Variants in EYS observed in about 807,000 individuals in gnomAD.
EYS encodes EGF-like photoreceptor maintenance factor.
EYS carries 250 observed loss-of-function variants against 282.1 expected under a neutral mutation model. The observed-to-expected ratio is 0.89, with a 90% CI of 0.80 to 0.98. The LOEUF is 0.98. Ranked by LOEUF, EYS falls within the 50% of genes least tolerant of loss-of-function variation. EYS has a pLI of 0.00. For synonymous variants in EYS, 1,355 were observed against 1,282.9 expected (o/e 1.06, Z -1.20); for missense variants, 4,016 against 3,709.0 (o/e 1.08, Z -2.15).
intron 15 of EYS, among the ~76,000 whole-genome samples, chr6:64,928,915 A>G (rs1768607243): frequency 6.6e-6 from 1 of 152,148 alleles, no homozygotes; most frequent in Non-Finnish European, 1.5e-5. Flanking sequence ...GATTTTATGT[A>G]TGGCTATGCT....
intron 29 of EYS, among the ~76,000 whole-genome samples, chr6:64,309,819 G>A (rs994968785): frequency 1.3e-5 from 2 of 151,906 alleles, no homozygotes; most frequent in Non-Finnish European, 2.9e-5. Context: ...ACAAAACTTA[G>A]CTGGGCATGG....
chr6:65,435,198 A>C (rs536697805), intron 5 of EYS, among the ~76,000 whole-genome samples: 2 of 152,096 alleles, frequency 1.3e-5, no homozygotes, highest in Non-Finnish European at 2.9e-5. Flanking sequence ...CATGTTTAAA[A>C]TGTTACCTAT....
intron 37 of EYS, among the ~76,000 whole-genome samples, chr6:63,799,728 A>G (rs1770737889): frequency 6.6e-6 from 1 of 152,252 alleles, no homozygotes; most frequent in African/African-American, 2.4e-5. Flanking sequence ...CAAAGCAGTG[A>G]TTGTAAATGA....
At chr6:65,378,089 A>G (rs997151458) in intron 8 of EYS, among the ~76,000 whole-genome samples, 30 of 152,178 alleles carry the variant, frequency 2.0e-4, no homozygotes, top group Admixed American at 1.4e-3. Flanking sequence ...CATCAGAGTG[A>G]ACAGGCAACC....
intron 13 of EYS, among the ~76,000 whole-genome samples, chr6:65,039,809 G>T (rs187273505): frequency 7.3e-4 from 111 of 151,652 alleles, no homozygotes; most frequent in African/African-American, 2.2e-3. Context: ...GGTGTATTTT[G>T]CATGTAAGTG....
chr6:65,097,115 C>A (rs571749523), intron 12 of EYS, among the ~76,000 whole-genome samples: 1 of 150,892 alleles, frequency 6.6e-6, no homozygotes, highest in African/African-American at 2.4e-5. Flanking sequence ...GGTTAATATA[C>A]AAAATATATA....
chr6:65,403,746 A>G (rs1010380954), intron 6 of EYS, among the ~76,000 whole-genome samples: 5 of 152,022 alleles, frequency 3.3e-5, no homozygotes, highest in African/African-American at 1.2e-4. Context: ...AAATAGAATT[A>G]AAGTACTTCT....
chr6:63,817,691 A>G (rs1771215753), intron 36 of EYS, among the ~76,000 whole-genome samples: 1 of 152,256 alleles, frequency 6.6e-6, no homozygotes, highest in Admixed American at 6.5e-5. Flanking sequence ...GGAACTGGTC[A>G]TAAGGCCACT....
Position 65,705,515 on chromosome 6 carries a change from T to C in EYS, c.-448+1620A>G, listed in dbSNP as rs573550641. ...TTTAACGCATTAACTCAATATTTGT[T>C]GAATGCCTCCAAATCAAGGCTTGGT... On this transcript the variant is annotated intron_variant, in intron 1 of 42. Transcript: ENST00000503581. Among the ~76,000 whole-genome samples the C allele has an allele frequency of 3.7e-4, 56 of 152,324 alleles. No homozygotes were observed. In the East Asian group the frequency reaches 5.8e-3, roughly 16 times the overall value.
At chr6:65,326,988 C>T (rs1473386836) in intron 11 of EYS, among the ~76,000 whole-genome samples, 4 of 151,602 alleles carry the variant, frequency 2.6e-5, no homozygotes, top group Non-Finnish European at 5.9e-5. Context: ...CTATAAACCA[C>T]AATAATTGTG....
At chr6:63,937,706 A>G (rs1054120681) in intron 35 of EYS, among the ~76,000 whole-genome samples, 5 of 152,014 alleles carry the variant, frequency 3.3e-5, no homozygotes, top group Admixed American at 3.3e-4. Flanking sequence ...TGAAAGGAAC[A>G]TAGTACAATT....
chr6:63,987,947 CT>C (rs1767442881), intron 34 of EYS, among the ~76,000 whole-genome samples: 1 of 151,522 alleles, frequency 6.6e-6, no homozygotes, highest in Admixed American at 6.6e-5. Flanking sequence ...CAAACTAACT[CT>C]GTATTTGAGA....
At chr6:65,129,863 T>C (rs1325200506) in intron 12 of EYS, among the ~76,000 whole-genome samples, 1 of 151,998 alleles carries the variant, frequency 6.6e-6, no homozygotes, top group Non-Finnish European at 1.5e-5. Context: ...CACCTGTATG[T>C]TCTTTGTAGT....
intron 19 of EYS, among the ~76,000 whole-genome samples, chr6:64,853,491 A>G (rs1037895329): frequency 5.3e-5 from 8 of 152,104 alleles, no homozygotes; most frequent in South Asian, 2.1e-4. Context: ...GCCTCAACCA[A>G]TTGAGATTAT....
chr6:64,744,615 A>C (rs1223291136), intron 22 of EYS, among the ~76,000 whole-genome samples: 1 of 152,204 alleles, frequency 6.6e-6, no homozygotes, highest in Non-Finnish European at 1.5e-5. Context: ...ATTTAGTAAA[A>C]CTTGAACTAA....
chr6:65,367,788 A>G (rs549804162), intron 8 of EYS, among the ~76,000 whole-genome samples: 1 of 151,894 alleles, frequency 6.6e-6, no homozygotes, highest in Non-Finnish European at 1.5e-5. Flanking sequence ...GCTAATATCA[A>G]TTATTATAGC....
chr6:64,592,717 C>T (rs12661181), intron 25 of EYS, among the ~76,000 whole-genome samples: 15,350 of 152,018 alleles, frequency 0.1, 927 homozygotes, highest in East Asian at 0.17. Context: ...AAAATAAGCA[C>T]ATATCTTTTA....
At chr6:64,937,151 C>T (rs1768935299) in intron 15 of EYS, among the ~76,000 whole-genome samples, 1 of 151,144 alleles carries the variant, frequency 6.6e-6, no homozygotes, top group African/African-American at 2.4e-5. Flanking sequence ...TTAACTAACT[C>T]AAAATGGATT....
intron 31 of EYS, among the ~76,000 whole-genome samples, chr6:64,157,701 T>C (rs1424685056): frequency 6.6e-6 from 1 of 151,910 alleles, no homozygotes; most frequent in Non-Finnish European, 1.5e-5. Flanking sequence ...TGGAGAGGTG[T>C]TGAGCCTGCG....
Sources: allele counts gnomAD v4.1 joint callset (sites outside exome capture counted in the v4.1 genomes callset), GRCh38; gene constraint gnomAD v4.1.1; transcripts MANE v1.5; gene names NCBI Gene and HGNC (gene_info 2026-07-23, HGNC 2026-07-21).